NELL1: variants seen among roughly 807,000 people sequenced by gnomAD.
NELL1 encodes protein kinase C-binding protein NELL1.
A neutral mutation model predicts 107.4 loss-of-function variants in NELL1; 76 were observed. The observed-to-expected ratio is 0.71, with a 90% confidence interval of 0.59 to 0.86. NELL1 has a LOEUF of 0.86. Ranked by LOEUF, NELL1 falls within the 40% of genes least tolerant of loss-of-function variation. The pLI is 0.00. For missense variants in NELL1, 1,024 were observed against 1,005.5 expected (o/e 1.02, Z -0.25); for synonymous variants, 353 against 341.2 (o/e 1.03, Z -0.38).
At chr11:21,134,166 C>A (rs1028547026) in intron 13 of NELL1, among the ~76,000 whole-genome samples, 1 of 152,188 alleles carries the variant, frequency 6.6e-6, no homozygotes, top group African/African-American at 2.4e-5. Context: ...AGAGTGGAGA[C>A]TTCTGTTTTA....
chr11:20,675,455 C>A (rs1470937119), intron 1 of NELL1, among the ~76,000 whole-genome samples: 2 of 152,178 alleles, frequency 1.3e-5, no homozygotes, highest in Admixed American at 1.3e-4. Context: ...CATGCATCAA[C>A]TCATTAGATA....
chr11:21,081,521 C>G (rs1854269000), intron 12 of NELL1, among the ~76,000 whole-genome samples: 1 of 152,100 alleles, frequency 6.6e-6, no homozygotes, highest in Admixed American at 6.6e-5. Flanking sequence ...AACTCAACTT[C>G]TAACTTTCTA....
intron 13 of NELL1, among the ~76,000 whole-genome samples, chr11:21,153,542 C>T (rs1430495898): frequency 6.6e-6 from 1 of 152,126 alleles, no homozygotes; most frequent in African/African-American, 2.4e-5. Context: ...TGATGGAGCT[C>T]ATCATCAAGA....
In NELL1 at chr11:20,669,853, TG is replaced by T; in HGVS notation, c.55+77del. 1 of 1,266,246 alleles carries T rather than the reference TG, an allele frequency of 7.9e-7. No individual in the cohort carries two copies. The highest frequency in any genetic ancestry group is 1.2e-6 in the Non-Finnish European group (1 of 865,066). The allele number at this position is 1,266,246 out of a possible 1,614,324, so 78.4% of individuals were successfully genotyped here. Reference sequence around the variant, plus strand: ...CAGACCACGGCGGCGTGGGGAGACCTGGAGCCGAGCTTTGCGCTGGTCTGGG... The same window carrying T: ...CAGACCACGGCGGCGTGGGGAGACCTGAGCCGAGCTTTGCGCTGGTCTGGG... On this transcript the variant is annotated intron_variant, in intron 1 of 19. Transcript: ENST00000357134. This position sits in a 1 kb window ranked among gnomAD's most constrained non-coding sequence, Gnocchi z 4.4.
rs551573281 is a variant in NELL1, at chr11:21,170,765, A to C, written c.1426+57051A>C. ...ATATGTACAATTGTTTTTATAAAAC[A>C]AGTGAAAAAATTTACATTTATCTAT... On this transcript the variant is annotated intron_variant, in intron 13 of 19. Transcript: ENST00000357134. Among the ~76,000 whole-genome samples, 10 of 150,966 alleles carry C rather than the reference A, an allele frequency of 6.6e-5. No homozygotes were observed. In the South Asian group the frequency reaches 2.1e-3, roughly 31 times the overall value.
At chr11:20,673,234 G>A (rs1853964513) in intron 1 of NELL1, among the ~76,000 whole-genome samples, 1 of 152,094 alleles carries the variant, frequency 6.6e-6, no homozygotes. Flanking sequence ...CTGTGAACAT[G>A]AGCCCCCAGC....
At chr11:21,336,672 T>TACACACACACACACACACAC (rs368167297) in intron 14 of NELL1, among the ~76,000 whole-genome samples, 1 of 106,258 alleles carries the variant, frequency 9.4e-6, no homozygotes, top group African/African-American at 3.1e-5. Context: ...TATATATATA[T>TACACACACACACACACACAC]ATACACACAC....
intron 15 of NELL1, among the ~76,000 whole-genome samples, chr11:21,422,021 C>A (rs930652441): frequency 1.3e-5 from 2 of 152,074 alleles, no homozygotes; most frequent in Admixed American, 1.3e-4. Context: ...AAAAAAGTAA[C>A]TGTCAACCAA....
intron 15 of NELL1, among the ~76,000 whole-genome samples, chr11:21,428,688 C>A (rs1852892351): frequency 6.6e-6 from 1 of 152,140 alleles, no homozygotes. Context: ...TCACAGGTGA[C>A]TTGCTGCTGT....
intron 3 of NELL1, among the ~76,000 whole-genome samples, chr11:20,786,007 T>C (rs1431222038): frequency 1.3e-5 from 2 of 151,798 alleles, no homozygotes; most frequent in African/African-American, 4.8e-5. Context: ...CATTTGATCA[T>C]TTTTCATTGT....
chr11:20,731,364 T>C (rs777419287), intron 2 of NELL1, among the ~76,000 whole-genome samples: 6 of 152,224 alleles, frequency 3.9e-5, no homozygotes, highest in Non-Finnish European at 8.8e-5. Context: ...GGCTGATGCC[T>C]GTGGCTGAAT....
At position 21,534,371 on chromosome 11, in the gene NELL1, C is replaced by T. The variant is rs1856075604; in HGVS notation, c.1646-3C>T. 1 of 1,613,536 alleles carries T rather than the reference C, an allele frequency of 6.2e-7. No individual in the cohort carries two copies. The highest frequency in any genetic ancestry group is 1.7e-5 in the Admixed American group (1 of 59,958). On this transcript the variant is annotated splice_region_variant and splice_polypyrimidine_tract_variant and intron_variant, in intron 15 of 19. Transcript: ENST00000357134. ...GGTGGGCTTGTGTTTTTCTCTGAGGCAGATATTGATGAATGTTCAGAGGGA... is the reference window on the plus strand; with the variant it reads ...GGTGGGCTTGTGTTTTTCTCTGAGGTAGATATTGATGAATGTTCAGAGGGA...
intron 13 of NELL1, among the ~76,000 whole-genome samples, chr11:21,144,129 C>G (rs954939433): frequency 6.6e-6 from 1 of 152,132 alleles, no homozygotes; most frequent in Non-Finnish European, 1.5e-5. Flanking sequence ...TGGAGAGTTT[C>G]TGGGGAGAAG....
chr11:21,415,843 A>C (rs1191014366), intron 15 of NELL1, among the ~76,000 whole-genome samples: 1 of 152,082 alleles, frequency 6.6e-6, no homozygotes, highest in South Asian at 2.1e-4. Context: ...ATGTATGCCA[A>C]ATGACACTTT....
intron 12 of NELL1, among the ~76,000 whole-genome samples, chr11:21,006,559 G>A (rs765564435): frequency 3.8e-4 from 58 of 152,022 alleles, no homozygotes; most frequent in Admixed American, 5.2e-4. Flanking sequence ...GCTTTGCCTG[G>A]AATCTCTAAG....
rs1004981159 is a variant in NELL1 at position 21,573,223 on chromosome 11, C to A, written c.2196C>A (p.Asn732Lys). 1 of 1,612,132 alleles carries A rather than the reference C, an allele frequency of 6.2e-7. No individual in the cohort carries two copies. Among genetic ancestry groups the A allele is most frequent in the Non-Finnish European group, 8.5e-7 (1 of 1,178,884 alleles). ...EVDCWPLTCP[N>K]LSCEYTAILE... is the part of the protein sequence containing the mutation. ...ATTGCTGGCCACTCACTTGCCCCAA[C>A]TTGAGCTGTGAGTATACAGCTATCT... Residue 732 changes from asparagine (N) to lysine (K), a missense_variant, in exon 19 of 20, where the codon AAC becomes AAA. Transcript: ENST00000357134.
At chr11:20,816,121 T>G (rs1269691758) in intron 3 of NELL1, among the ~76,000 whole-genome samples, 1 of 152,194 alleles carries the variant, frequency 6.6e-6, no homozygotes, top group East Asian at 1.9e-4. Flanking sequence ...TGCTTAGTAT[T>G]GTTTTGGCTA....
At chr11:20,891,732 A>T (rs1057335954) in intron 5 of NELL1, among the ~76,000 whole-genome samples, 11 of 152,168 alleles carry the variant, frequency 7.2e-5, no homozygotes, top group African/African-American at 2.7e-4. Flanking sequence ...GACAAAACAG[A>T]CTTTAAACCG....
At chr11:21,132,469 T>C (rs563537745) in intron 13 of NELL1, among the ~76,000 whole-genome samples, 18 of 152,302 alleles carry the variant, frequency 1.2e-4, no homozygotes, top group Admixed American at 3.9e-4. Context: ...GTGAGGGATG[T>C]GTGAGCAAGT....
Sources: allele counts gnomAD v4.1 joint callset (sites outside exome capture counted in the v4.1 genomes callset), GRCh38; gene constraint gnomAD v4.1.1; non-coding constraint Gnocchi (gnomAD v3.1); transcripts MANE v1.5; gene names NCBI Gene and HGNC (gene_info 2026-07-23, HGNC 2026-07-21).